ELAVL1: variants seen among roughly 807,000 people sequenced by gnomAD.
ELAVL1 encodes the protein ELAV like RNA binding protein 1.
ELAVL1 carries 1 observed loss-of-function variant against 28.4 expected under a neutral mutation model. That is an observed-to-expected ratio of 0.04 (90% CI 0.01 to 0.17). The LOEUF is 0.17. Among genes scored for constraint, ELAVL1 ranks in the 10% least tolerant of loss-of-function variants. The pLI is 1.00. For missense variants in ELAVL1, 157 were observed against 447.2 expected (o/e 0.35, Z 5.85); for synonymous variants, 174 against 183.5 (o/e 0.95, Z 0.42).
rs902442981 is a variant in ELAVL1, at chr19:7,981,446, T to C, written c.173-260A>G. Reference sequence around the variant, plus strand: ...GATCACAGCTCACCGCCACCTCAAATTCTTGGGCTCAAGACAGCCTCCCAC... The same window carrying C: ...GATCACAGCTCACCGCCACCTCAAACTCTTGGGCTCAAGACAGCCTCCCAC... On this transcript the variant is annotated intron_variant, in intron 2 of 5. Coordinates refer to ENST00000407627, the MANE Select transcript of ELAVL1 (RefSeq NM_001419.3). The surrounding 1 kb of genome is among the most constrained non-coding windows in gnomAD (Gnocchi z 4.2). Among the ~76,000 whole-genome samples the C allele has an allele frequency of 6.6e-6, 1 of 151,616 alleles. No individual in the cohort carries two copies. Among genetic ancestry groups the C allele is most frequent in the African/African-American group, 2.4e-5 (1 of 41,244 alleles).
intron 4 of ELAVL1, among the ~76,000 whole-genome samples, chr19:7,972,705 C>T (rs1026506638): frequency 3.3e-5 from 5 of 151,212 alleles, no homozygotes; most frequent in African/African-American, 1.2e-4. Context: ...CGGCTCACCA[C>T]AGCTGTGAAC....
At position 7,960,018 on chromosome 19, in the gene ELAVL1, G is replaced by GT. The variant is rs1984760021; in HGVS notation, c.*3464dup. ...AAGGGGGCTGAATCGGATGTGAAATGTAACAGCTGAGTGATGTCAATTTCG... is the reference window on the plus strand; with the variant it reads ...AAGGGGGCTGAATCGGATGTGAAATGTTAACAGCTGAGTGATGTCAATTTCG... On this transcript the variant is annotated 3_prime_UTR_variant, in exon 6 of 6. Coordinates refer to ENST00000407627, the MANE Select transcript of ELAVL1 (RefSeq NM_001419.3). 4 of 152,256 alleles carry GT rather than the reference G, an allele frequency of 2.6e-5. No homozygotes were observed. The highest frequency in any genetic ancestry group is 2.6e-4 in the Admixed American group (4 of 15,286). 9.4% of individuals were successfully genotyped at this position (152,256 alleles called of 1,614,324 possible).
At chr19:7,989,180 C>T (rs1343115620) in intron 2 of ELAVL1, among the ~76,000 whole-genome samples, 2 of 152,120 alleles carry the variant, frequency 1.3e-5, no homozygotes, top group South Asian at 2.1e-4. Context: ...TGAGACCTAG[C>T]GCCGTGCCCC....
intron 1 of ELAVL1, among the ~76,000 whole-genome samples, chr19:8,002,985 A>G (rs2081073328): frequency 6.6e-6 from 1 of 152,216 alleles, no homozygotes; most frequent in Non-Finnish European, 1.5e-5. Flanking sequence ...TTTACAGAAC[A>G]GAACTCCTGC....
At chr19:7,975,598 T>C (rs1985259258) in intron 3 of ELAVL1, among the ~76,000 whole-genome samples, 1 of 152,264 alleles carries the variant, frequency 6.6e-6, no homozygotes, top group South Asian at 2.1e-4. Context: ...ATCAGGTCTT[T>C]TTCTGGCTGC....
chr19:7,999,672 T>A (rs751893964), intron 1 of ELAVL1, among the ~76,000 whole-genome samples: 3 of 152,154 alleles, frequency 2.0e-5, no homozygotes, highest in Non-Finnish European at 2.9e-5. Context: ...AGCCCCGGCC[T>A]CCTAGGCTCA....
intron 3 of ELAVL1, among the ~76,000 whole-genome samples, chr19:7,980,597 A>G (rs1353279729): frequency 1.3e-5 from 2 of 152,136 alleles, no homozygotes; most frequent in African/African-American, 2.4e-5. Flanking sequence ...GCCGCTGTGA[A>G]GCCTCCACAC....
chr19:8,001,878 A>G (rs1355566728), intron 1 of ELAVL1, among the ~76,000 whole-genome samples: 9 of 152,206 alleles, frequency 5.9e-5, no homozygotes, highest in Non-Finnish European at 8.8e-5. Flanking sequence ...AGAGCAAAGC[A>G]TCAGGCATAC....
chr19:7,971,217 C>G (rs1161740062), intron 4 of ELAVL1, among the ~76,000 whole-genome samples: 1 of 152,200 alleles, frequency 6.6e-6, no homozygotes, highest in African/African-American at 2.4e-5. Context: ...AGGTGAGTTC[C>G]CCCTGCCTGT....
In ELAVL1 at chr19:7,967,609, C is replaced by T. The variant is rs1230295752; in HGVS notation, c.612G>A (p.Ala204=). The change falls in exon 5 of 6, where the codon GCG becomes GCA. Residue 204 remains alanine, a synonymous_variant. Coordinates refer to ENST00000407627, the MANE Select transcript of ELAVL1 (RefSeq NM_001419.3). The part of the protein sequence containing the change: ...ALLSQLYHSP[A]RRFGGPVHHQ... ...GGTGAACGGGGCCTCCGAACCGTCG[C>T]GCTGGCGAGTGGTACAGCTGCGAGA... 1.9e-5 allele frequency: 30 copies of T among 1,614,052 alleles called. No homozygotes were observed. The highest frequency in any genetic ancestry group is 6.7e-5 in the East Asian group (3 of 44,898).
intron 1 of ELAVL1, among the ~76,000 whole-genome samples, chr19:7,996,184 T>C (rs1479050872): frequency 9.1e-5 from 11 of 120,538 alleles, no homozygotes; most frequent in South Asian, 2.6e-4. Context: ...CCCAGAACCC[T>C]TTTTTTTTTT....
intron 1 of ELAVL1, among the ~76,000 whole-genome samples, chr19:7,999,547 T>C (rs2081060464): frequency 6.6e-6 from 1 of 152,198 alleles, no homozygotes; most frequent in Non-Finnish European, 1.5e-5. Flanking sequence ...GCCCAGGTTA[T>C]ACCATTGCCA....
intron 1 of ELAVL1, among the ~76,000 whole-genome samples, chr19:7,994,971 A>G (rs1471732539): frequency 6.6e-6 from 1 of 151,434 alleles, no homozygotes; most frequent in Non-Finnish European, 1.5e-5. Flanking sequence ...AACAAAACAA[A>G]AAGTGCAAGG....
chr19:8,003,519 C>T (rs2081076199), intron 1 of ELAVL1, among the ~76,000 whole-genome samples: 2 of 151,598 alleles, frequency 1.3e-5, no homozygotes, highest in African/African-American at 4.8e-5. Context: ...GGTGAAACCC[C>T]GTCTCTACTA....
chr19:7,974,083 G>A (rs1985204560), intron 3 of ELAVL1, among the ~76,000 whole-genome samples: 1 of 152,252 alleles, frequency 6.6e-6, no homozygotes, highest in Non-Finnish European at 1.5e-5. Flanking sequence ...GCCTGGCAGT[G>A]CTTCCTCACT....
intron 3 of ELAVL1, 53 bp from the exon 4 acceptor site, chr19:7,973,931 T>A: frequency 6.3e-7 from 1 of 1,597,688 alleles, no homozygotes; most frequent in East Asian, 2.2e-5. Flanking sequence ...GCCAAAGCAT[T>A]GAGGAGGGTG....
intron 1 of ELAVL1, among the ~76,000 whole-genome samples, chr19:7,997,224 A>G (rs1366437879): frequency 6.6e-6 from 1 of 152,256 alleles, no homozygotes; most frequent in East Asian, 1.9e-4. Flanking sequence ...GAAAATCTAT[A>G]TTCACACAAA....
intron 4 of ELAVL1, among the ~76,000 whole-genome samples, chr19:7,972,657 T>G (rs576945618): frequency 6.6e-6 from 1 of 152,138 alleles, no homozygotes; most frequent in Admixed American, 6.5e-5. Context: ...AACAGGGTCT[T>G]GCTCTGTTGC....
chr19:7,983,309 G>A (rs947171207), intron 2 of ELAVL1, among the ~76,000 whole-genome samples: 2 of 152,192 alleles, frequency 1.3e-5, no homozygotes, highest in Admixed American at 6.5e-5. Flanking sequence ...TGGAGAACAA[G>A]CAACGGAGCA....
Sources: allele counts gnomAD v4.1 joint callset (sites outside exome capture counted in the v4.1 genomes callset), GRCh38; gene constraint gnomAD v4.1.1; non-coding constraint Gnocchi (gnomAD v3.1); transcripts MANE v1.5; gene names NCBI Gene and HGNC (gene_info 2026-07-23, HGNC 2026-07-21).